PPM1E: variants seen among roughly 807,000 people sequenced by gnomAD.
PPM1E encodes protein phosphatase, Mg2+/Mn2+ dependent 1E.
Under a neutral mutation model 65.9 loss-of-function variants are expected in PPM1E, and 20 were observed. The observed-to-expected ratio is 0.30, with a 90% CI of 0.21 to 0.44. PPM1E has a LOEUF of 0.44. Ranked by LOEUF, PPM1E falls within the 20% of genes least tolerant of loss-of-function variation. The pLI is 1.00. For synonymous variants in PPM1E, 352 were observed against 374.9 expected (o/e 0.94, Z 0.70); for missense variants, 713 against 953.1 (o/e 0.75, Z 3.32).
chr17:58,850,531 T>A (rs1413819829), intron 1 of PPM1E, among the ~76,000 whole-genome samples: 1 of 152,182 alleles, frequency 6.6e-6, no homozygotes, highest in Non-Finnish European at 1.5e-5. Flanking sequence ...CTCCTTCACT[T>A]ATGAAGCTTA....
At chr17:58,813,824 T>C (rs367775463) in intron 1 of PPM1E, among the ~76,000 whole-genome samples, 1 of 152,176 alleles carries the variant, frequency 6.6e-6, no homozygotes, top group Non-Finnish European at 1.5e-5. Flanking sequence ...AGTAGACATA[T>C]GTACTGGAGG....
intron 1 of PPM1E, among the ~76,000 whole-genome samples, chr17:58,878,533 C>T (rs1222308247): frequency 6.6e-6 from 1 of 151,570 alleles, no homozygotes; most frequent in Non-Finnish European, 1.5e-5. Context: ...CGTGAGCCAC[C>T]ACGCCTAGCC....
At chr17:58,964,547 T>G (rs928842022) in intron 2 of PPM1E, among the ~76,000 whole-genome samples, 1 of 152,040 alleles carries the variant, frequency 6.6e-6, no homozygotes, top group Admixed American at 6.6e-5. Context: ...TAGACATAGG[T>G]GAAGCGGTAG....
At chr17:58,769,624 T>C (rs574266678) in intron 1 of PPM1E, among the ~76,000 whole-genome samples, 2 of 152,112 alleles carry the variant, frequency 1.3e-5, no homozygotes, top group East Asian at 1.9e-4. Context: ...TCAAAAAGTA[T>C]ATATAAAAAT....
At chr17:58,977,275 T>C (rs1389939922) in intron 6 of PPM1E, among the ~76,000 whole-genome samples, 7 of 151,918 alleles carry the variant, frequency 4.6e-5, no homozygotes, top group African/African-American at 1.7e-4. Context: ...AAACCCTGTC[T>C]CTACTAAAAA....
intron 1 of PPM1E, among the ~76,000 whole-genome samples, chr17:58,827,204 C>T (rs2050546802): frequency 7.0e-6 from 1 of 143,232 alleles, no homozygotes; most frequent in African/African-American, 2.6e-5. Context: ...ATGCCACGAT[C>T]TTGGTTTACT....
intron 1 of PPM1E, among the ~76,000 whole-genome samples, chr17:58,900,395 C>A (rs1053728499): frequency 1.3e-5 from 2 of 152,200 alleles, no homozygotes; most frequent in Non-Finnish European, 2.9e-5. Context: ...CAGCCATCAA[C>A]GTGGAAGCAA....
chr17:58,950,149 G>A (rs544941459), intron 1 of PPM1E, among the ~76,000 whole-genome samples: 1 of 152,262 alleles, frequency 6.6e-6, no homozygotes, highest in East Asian at 1.9e-4. Context: ...ATCACCTGAA[G>A]TTGAGAGTTT....
At position 58,802,011 on chromosome 17, in the gene PPM1E, G is replaced by A. The variant is rs537110602; in HGVS notation, c.464+45550G>A. 2.0e-5 allele frequency among the ~76,000 whole-genome samples: 3 copies of A among 152,122 alleles called. No homozygotes were observed. In the East Asian group the frequency reaches 5.8e-4, roughly 29 times the overall value. The stretch of plus-strand genomic sequence containing the variant: ...GATCTCAAGTGATCCACCCACCTCA[G>A]CCTCCCAAAGTCCTGGAATTACAGG... On this transcript the variant is annotated intron_variant, in intron 1 of 6. Coordinates refer to ENST00000308249, the MANE Select transcript of PPM1E (RefSeq NM_014906.5).
chr17:58,944,665 A>G (rs182932952), intron 1 of PPM1E, among the ~76,000 whole-genome samples: 2 of 152,330 alleles, frequency 1.3e-5, no homozygotes, highest in African/African-American at 2.4e-5. Flanking sequence ...TGTAGCATGT[A>G]TAAGTGCTTC....
chr17:58,921,749 G>A (rs1400056902), intron 1 of PPM1E, among the ~76,000 whole-genome samples: 2 of 151,228 alleles, frequency 1.3e-5, no homozygotes, highest in Admixed American at 6.6e-5. Flanking sequence ...TGTGTAGGAA[G>A]AAAGAGTGTG....
At chr17:58,782,001 G>A (rs989206254) in intron 1 of PPM1E, among the ~76,000 whole-genome samples, 1 of 151,952 alleles carries the variant, frequency 6.6e-6, no homozygotes, top group African/African-American at 2.4e-5. Flanking sequence ...AACAAAAAAT[G>A]TTATTTGTTT....
chr17:58,887,568 A>G (rs1383980115), intron 1 of PPM1E, among the ~76,000 whole-genome samples: 2 of 152,250 alleles, frequency 1.3e-5, no homozygotes, highest in African/African-American at 4.8e-5. Context: ...CAATAAGTAT[A>G]GAGACAGTTA....
chr17:58,961,083 C>T (rs1028265542), intron 2 of PPM1E, among the ~76,000 whole-genome samples: 1 of 152,108 alleles, frequency 6.6e-6, no homozygotes, highest in African/African-American at 2.4e-5. Flanking sequence ...ACCCAAGTGA[C>T]ATCCTTTAAA....
At position 58,981,709 on chromosome 17, in the gene PPM1E, G is replaced by T. The variant is rs1300769446; in HGVS notation, c.*678G>T. ...TTTTTTAATTAAAAAATATTTCCTA[G>T]GGCTGTAGTTATTTGGGAGTTTCAT... On this transcript the variant is annotated 3_prime_UTR_variant, in exon 7 of 7. Coordinates refer to ENST00000308249, the MANE Select transcript of PPM1E (RefSeq NM_014906.5). 6.6e-6 allele frequency: 1 copy of T among 152,190 alleles called. No homozygotes were observed. Among genetic ancestry groups the T allele is most frequent in the African/African-American group, 2.4e-5 (1 of 41,284 alleles). The allele number at this position is 152,190 out of a possible 1,614,324, so 9.4% of individuals were successfully genotyped here.
At chr17:58,907,177 C>T (rs1372922626) in intron 1 of PPM1E, among the ~76,000 whole-genome samples, 2 of 151,678 alleles carry the variant, frequency 1.3e-5, no homozygotes, top group Non-Finnish European at 2.9e-5. Context: ...ACCCAGGAGG[C>T]GAAGGCTGCA....
intron 1 of PPM1E, among the ~76,000 whole-genome samples, chr17:58,760,096 T>C (rs914950587): frequency 3.3e-5 from 5 of 152,212 alleles, no homozygotes; most frequent in Non-Finnish European, 7.3e-5. Flanking sequence ...TCTCAGGCTA[T>C]CCCACTTCTT....
chr17:58,888,361 TC>T (rs1302229894), intron 1 of PPM1E, among the ~76,000 whole-genome samples: 3 of 122,910 alleles, frequency 2.4e-5, no homozygotes, highest in African/African-American at 6.6e-5. Context: ...GACTCTTCTC[TC>T]TTTTTTTTTT....
intron 1 of PPM1E, among the ~76,000 whole-genome samples, chr17:58,826,514 T>C (rs1471936385): frequency 6.6e-6 from 1 of 152,188 alleles, no homozygotes; most frequent in Non-Finnish European, 1.5e-5. Context: ...TAACTGTACA[T>C]TTAATCAAAT....
Sources: allele counts gnomAD v4.1 joint callset (sites outside exome capture counted in the v4.1 genomes callset), GRCh38; gene constraint gnomAD v4.1.1; transcripts MANE v1.5; gene names NCBI Gene and HGNC (gene_info 2026-07-23, HGNC 2026-07-21).